The following YARS2 variants were observed in gnomAD, a reference collection of about 807,000 sequenced individuals.
The protein encoded by YARS2 is tyrosine--tRNA ligase, mitochondrial.
A neutral mutation model predicts 45.0 loss-of-function variants in YARS2; 38 were observed. The ratio of observed to expected loss-of-function variants is 0.84; its 90% CI spans 0.65 to 1.11. The LOEUF (loss-of-function observed/expected upper bound fraction) is 1.11, where lower values mean the gene tolerates loss of function less well. YARS2 is among the 50% of genes least tolerant of loss of function. The pLI is 0.00. For synonymous variants in YARS2, 287 were observed against 245.1 expected, an observed-to-expected ratio of 1.17 and a Z score of -1.60; for missense variants, 602 against 599.8, an observed-to-expected ratio of 1.00 and a Z score of -0.04.
chr12:32,755,260 C>T lies in YARS2; in HGVS notation c.615G>A (p.Gln205=), dbSNP rs1175209736. 20 of 1,614,182 alleles carry T rather than the reference C, an allele frequency of 1.2e-5. No individual in the cohort carries two copies. Among genetic ancestry groups the T allele is most frequent in the Non-Finnish European group, 1.3e-5 (15 of 1,180,062 alleles). Residue 205 remains glutamine, a synonymous_variant, in exon 1 of 5, where the codon CAG becomes CAA. Coordinates refer to ENST00000324868, the MANE Select transcript of YARS2 (RefSeq NM_001040436.3). ...TGCCCTCGGGGCTCTTGAGCCGCAGCTGCACGCTCTGCCGGCTCAGCAGCG... is the reference window on the plus strand; with the variant it reads ...TGCCCTCGGGGCTCTTGAGCCGCAGTTGCACGCTCTGCCGGCTCAGCAGCG... The part of the protein sequence containing the change: ...MGTLLSRQSV[Q]LRLKSPEGMS...
At chr12:32,753,582 GAA>G (rs1005310363) in intron 2 of YARS2, among the ~76,000 whole-genome samples, 1 of 152,274 alleles carries the variant, frequency 6.6e-6, no homozygotes, top group Non-Finnish European at 1.5e-5. Context: ...ATTTGTGAGA[GAA>G]GAGAGACAAA....
At chr12:32,751,824 A>C (rs1228890771) in intron 2 of YARS2, among the ~76,000 whole-genome samples, 1 of 152,208 alleles carries the variant, frequency 6.6e-6, no homozygotes, top group Non-Finnish European at 1.5e-5. Context: ...GCCCAGGTGT[A>C]ATGCTCGCTC....
In YARS2 at chr12:32,754,021, G is replaced by C; in HGVS notation, c.844C>G (p.Leu282Val). 1 of 1,614,184 alleles carries C rather than the reference G, an allele frequency of 6.2e-7. No homozygotes were observed. ...ACAGCGTTGCCAGCAGACTTTCCCA[G>C]CTTTGCTCCAGTTGTACTTGTAATT... ...PLITSTTGAK[L>V]GKSAGNAVWL... is the part of the protein sequence containing the mutation. Residue 282 changes from leucine to valine, a missense_variant, in exon 2 of 5, where the codon CTG becomes GTG. Leu to Val is a conservative substitution (Grantham distance 32, BLOSUM62 1). Transcript: ENST00000324868.
chr12:32,755,436 C>G lies in YARS2; in HGVS notation c.439G>C (p.Gly147Arg), dbSNP rs1470433727. Residue 147 changes from glycine (G) to arginine (R), a missense_variant, in exon 1 of 5, where the codon GGG becomes CGG. Physicochemically the swap from Gly to Arg is moderately radical, Grantham distance 125 (BLOSUM62 -2). Coordinates refer to ENST00000324868, the MANE Select transcript of YARS2 (RefSeq NM_001040436.3). ...VRANARALRL[G>R]LEALAANHQQ... ...TGATTAGCCGCCAGGGCCTCAAGCCCTAGGCGCAGAGCTCGCGCGTTGGCT... is the reference window on the plus strand; with the variant it reads ...TGATTAGCCGCCAGGGCCTCAAGCCGTAGGCGCAGAGCTCGCGCGTTGGCT... 1 of 1,613,310 alleles carries G rather than the reference C, an allele frequency of 6.2e-7. No individual in the cohort carries two copies. Among genetic ancestry groups the G allele is most frequent in the Non-Finnish European group, 8.5e-7 (1 of 1,179,836 alleles).
rs766172419 is a variant in YARS2, at chr12:32,755,486, T to C, written c.389A>G (p.Glu130Gly). 36 of 1,612,230 alleles carry C rather than the reference T, an allele frequency of 2.2e-5. No individual in the cohort carries two copies. The South Asian group carries it at 3.7e-4, about 17-fold the overall frequency. Residue 130 changes from glutamate (E) to glycine (G), a missense_variant, in exon 1 of 5, where the codon GAG (glutamate) becomes GGG (glycine). By Grantham distance (98) the Glu-to-Gly change is moderately conservative. Coordinates refer to ENST00000324868, the MANE Select transcript of YARS2 (RefSeq NM_001040436.3). Reference protein sequence around the residue: ...GDPSGRTKEREALETERVRAN... With the variant: ...GDPSGRTKERGALETERVRAN... Reference sequence around the variant, plus strand: ...TCGCACGCGCTCTGTCTCCAGCGCCTCGCGTTCCTTGGTACGGCCGCTCGG... The same window carrying C: ...TCGCACGCGCTCTGTCTCCAGCGCCCCGCGTTCCTTGGTACGGCCGCTCGG...
At position 32,755,283 on chromosome 12, in the gene YARS2, G is replaced by A; in HGVS notation, c.592C>T (p.Leu198=). The change falls in exon 1 of 5, where the codon CTG becomes TTG. Residue 198 remains leucine, a synonymous_variant. Transcript: ENST00000324868. ...AVGGHFRMGT[L]LSRQSVQLRL... is the part of the protein sequence containing the mutation. Reference sequence around the variant, plus strand: ...AGCTGCACGCTCTGCCGGCTCAGCAGCGTCCCCATGCGGAAGTGACCCCCC... The same window carrying A: ...AGCTGCACGCTCTGCCGGCTCAGCAACGTCCCCATGCGGAAGTGACCCCCC... 6.2e-7 allele frequency: 1 copy of A among 1,614,146 alleles called. No individual in the cohort carries two copies. The highest frequency in any genetic ancestry group is 1.1e-5 in the South Asian group (1 of 91,086).
Position 32,750,022 on chromosome 12 carries a change from G to A in YARS2, c.1189C>T (p.Pro397Ser), listed in dbSNP as rs779176806. Residue 397 changes from proline (P) to serine (S), a missense_variant, in exon 4 of 5, where the codon CCA becomes TCA. Physicochemically the swap from Pro to Ser is moderately conservative, Grantham distance 74. Coordinates refer to ENST00000324868, the MANE Select transcript of YARS2 (RefSeq NM_001040436.3). ...QELKELFKEAPFSEFFLDPGT... is the reference protein window; with the variant it reads ...QELKELFKEASFSEFFLDPGT... ...GGATCGAGAAAAAATTCAGAAAATG[G>A]AGCTTCTTTAAACAACTCTTTTAAC... The A allele has an allele frequency of 4.2e-5, 68 of 1,613,922 alleles. 1 individual carries two copies. The South Asian group carries it at 6.6e-4, about 16-fold the overall frequency.
chr12:32,750,199 C>G (rs778866481), intron 3 of YARS2, 92 bp from the exon 4 acceptor site: 4 of 1,525,122 alleles, frequency 2.6e-6, no homozygotes, highest in South Asian at 1.2e-5. Context: ...TGTCCAAGTT[C>G]TAGACTAAAA....
rs377054645 is a variant in YARS2 at position 32,755,627 on chromosome 12, G to A, written c.248C>T (p.Thr83Met). ...ATGACCCACATGAAGCGAGTCTGCC[G>A]TGGGGTCGAAGCCACAGTAAATGGT... is the stretch of plus-strand genomic sequence containing the variant. ...PQTIYCGFDP[T>M]ADSLHVGHLL... The change falls in exon 1 of 5, where the codon ACG (threonine) becomes ATG (methionine). Residue 83 changes from threonine to methionine, a missense_variant. Physicochemically the swap from Thr to Met is moderately conservative, Grantham distance 81 (BLOSUM62 -1). Transcript: ENST00000324868. The A allele has an allele frequency of 1.2e-6, 2 of 1,614,046 alleles. No homozygotes were observed. The highest frequency in any genetic ancestry group is 1.3e-5 in the African/African-American group (1 of 74,948).
intron 2 of YARS2, among the ~76,000 whole-genome samples, chr12:32,752,477 G>A (rs984062143): frequency 2.0e-5 from 3 of 152,034 alleles, no homozygotes; most frequent in African/African-American, 7.2e-5. Context: ...TCTCTAGGCC[G>A]GGTGCGGTAG....
rs766519506 is a variant in YARS2, at chr12:32,747,396, A to C, written c.1275-33T>G. On this transcript the variant is annotated intron_variant, in intron 4 of 4. Transcript: ENST00000324868. ...ATAGAAACGTTTAGTAAGTAGAGAG[A>C]TCCAATCACTGTTGATCTGTCCCCC... 8 of 1,608,392 alleles carry C rather than the reference A, an allele frequency of 5.0e-6. No homozygotes were observed. In the East Asian group the frequency reaches 1.6e-4, roughly 31 times the overall value.
intron 4 of YARS2, among the ~76,000 whole-genome samples, chr12:32,749,729 T>C (rs370546859): frequency 7.9e-5 from 12 of 151,656 alleles, no homozygotes; most frequent in Admixed American, 3.9e-4. Context: ...TACAGGCGCC[T>C]GCCACCATGC....
At chr12:32,752,001 C>A (rs1288730218) in intron 2 of YARS2, among the ~76,000 whole-genome samples, 1 of 152,108 alleles carries the variant, frequency 6.6e-6, no homozygotes, top group Non-Finnish European at 1.5e-5. Flanking sequence ...GTATTTAGTA[C>A]AGTAATGTGC....
At chr12:32,753,473 T>C (rs1034973921) in intron 2 of YARS2, among the ~76,000 whole-genome samples, 1 of 152,220 alleles carries the variant, frequency 6.6e-6, no homozygotes, top group Non-Finnish European at 1.5e-5. Context: ...CACTTTTTGT[T>C]GCAGGTATAT....
intron 2 of YARS2, among the ~76,000 whole-genome samples, chr12:32,753,569 C>T (rs1955789463): frequency 6.6e-6 from 1 of 151,960 alleles, no homozygotes; most frequent in South Asian, 2.1e-4. Context: ...TCTTTAAAGT[C>T]ATATTTGTGA....
chr12:32,753,842 T>C, intron 2 of YARS2, 76 bp downstream of exon 2: 2 of 1,577,280 alleles, frequency 1.3e-6, no homozygotes, highest in Non-Finnish European at 8.7e-7. Context: ...CTATAAAATG[T>C]ACATAGATTC....
chr12:32,747,016 A>G lies in YARS2; in HGVS notation c.*188T>C. On this transcript the variant is annotated 3_prime_UTR_variant, in exon 5 of 5. Transcript: ENST00000324868. ...CAAGCTTTGTACATCAGAAAATAAA[A>G]CATCCCATTATTAAACAAATATTTA... 1.7e-6 allele frequency: 1 copy of G among 583,754 alleles called. No individual in the cohort carries two copies. Among genetic ancestry groups the G allele is most frequent in the Non-Finnish European group, 3.0e-6 (1 of 335,180 alleles). 36.2% of individuals were successfully genotyped at this position (583,754 alleles called of 1,614,324 possible). A position where few individuals can be genotyped will look rare whatever the true frequency, so the allele number is the denominator to read the frequency against.
rs371361080 is a variant in YARS2 at position 32,747,382 on chromosome 12, T to A, written c.1275-19A>T. The A allele has an allele frequency of 8.2e-5, 132 of 1,612,402 alleles. No homozygotes were observed. The highest frequency in any genetic ancestry group is 4.2e-4 in the South Asian group (38 of 91,080). ...TCGATACCTAAAAAATAGAAACGTT[T>A]AGTAAGTAGAGAGATCCAATCACTG... On this transcript the variant is annotated intron_variant, in intron 4 of 4. Transcript: ENST00000324868.
chr12:32,754,576 A>G lies in YARS2; in HGVS notation c.780-491T>C, dbSNP rs532165826. On this transcript the variant is annotated intron_variant, in intron 1 of 4. Coordinates refer to ENST00000324868, the MANE Select transcript of YARS2 (RefSeq NM_001040436.3). ...CTAGTTTCATGGAGGGTGCAGAGCT[A>G]AAGCAGAGGCTAGCTACTCAAGGAG... 2.0e-5 allele frequency among the ~76,000 whole-genome samples: 3 copies of G among 152,342 alleles called. No homozygotes were observed. In the South Asian group the frequency reaches 6.2e-4, roughly 32 times the overall value.
Sources: gnomAD v4.1 joint callset for allele counts (sites outside exome capture counted in the v4.1 genomes callset) on GRCh38, gnomAD v4.1.1 for gene constraint, MANE v1.5 for transcripts, NCBI Gene and HGNC (gene_info 2026-07-23, HGNC 2026-07-21) for gene names.